Variants in DLG2 observed in about 807,000 individuals in gnomAD.
The protein encoded by DLG2 is discs large MAGUK scaffold protein 2.
In DLG2, 45 loss-of-function variants were observed where a neutral mutation model predicts 132.5. The observed-to-expected ratio is 0.34, with a 90% CI of 0.27 to 0.44. The LOEUF (loss-of-function observed/expected upper bound fraction) is 0.44. DLG2 is among the 20% of genes least tolerant of loss of function. The pLI, the probability that DLG2 is intolerant of heterozygous loss-of-function variation, is 1.00. For missense variants in DLG2, 1,045 were observed against 1,196.9 expected, an observed-to-expected ratio of 0.87 and a Z score of 1.87; for synonymous variants, 424 against 419.6, an observed-to-expected ratio of 1.01 and a Z score of -0.13.
chr11:84,750,156 T>C (rs1403299255), intron 6 of DLG2, among the ~76,000 whole-genome samples: 1 of 152,156 alleles, frequency 6.6e-6, no homozygotes, highest in Non-Finnish European at 1.5e-5. Context: ...TGTACTTTTT[T>C]TTTCCTTCAA....
At chr11:85,045,090 T>G (rs1196306858) in intron 6 of DLG2, among the ~76,000 whole-genome samples, 1 of 152,028 alleles carries the variant, frequency 6.6e-6, no homozygotes, top group East Asian at 1.9e-4. Flanking sequence ...CCTGCACCCT[T>G]CTTCCTCTTG....
At chr11:85,243,079 G>T (rs117326084) in intron 4 of DLG2, among the ~76,000 whole-genome samples, 2 of 151,908 alleles carry the variant, frequency 1.3e-5, no homozygotes, top group African/African-American at 2.4e-5. Flanking sequence ...TAATTTTACC[G>T]CTCATAGCCT....
intron 6 of DLG2, among the ~76,000 whole-genome samples, chr11:85,042,610 T>C (rs1377683216): frequency 6.6e-6 from 1 of 151,998 alleles, no homozygotes; most frequent in Non-Finnish European, 1.5e-5. Flanking sequence ...CTAAGAAGAA[T>C]GCTTGACACA....
At chr11:83,747,172 A>G (rs974737186) in intron 18 of DLG2, among the ~76,000 whole-genome samples, 5 of 152,190 alleles carry the variant, frequency 3.3e-5, no homozygotes, top group Non-Finnish European at 7.4e-5. Flanking sequence ...ACCTGCAGCC[A>G]GTATCATACT....
intron 6 of DLG2, among the ~76,000 whole-genome samples, chr11:84,714,330 C>T (rs1194976451): frequency 6.6e-6 from 1 of 152,170 alleles, no homozygotes; most frequent in East Asian, 1.9e-4. Flanking sequence ...AAGTTGGCCA[C>T]ATTTAAATAA....
intron 8 of DLG2, among the ~76,000 whole-genome samples, chr11:84,248,725 G>C (rs1015919504): frequency 3.9e-5 from 6 of 152,096 alleles, no homozygotes; most frequent in African/African-American, 1.4e-4. Context: ...AAATTAGCCA[G>C]GCATGGTGGT....
chr11:83,874,387 C>T (rs1352987333), intron 16 of DLG2, 33 bp downstream of exon 16: 43 of 1,483,014 alleles, frequency 2.9e-5, no homozygotes, highest in Non-Finnish European at 3.6e-5. Context: ...TCCAAGGCTG[C>T]ACAGTTTAAG....
rs554321824 is a variant in DLG2 at position 85,234,330 on chromosome 11, C to T, written c.186+50890G>A. On this transcript the variant is annotated intron_variant, in intron 4 of 27. Transcript: ENST00000376104. Reference sequence around the variant, plus strand: ...TCCAAATAACCACAAAACATAAAGGCACTCTGTATTGCCTACTCCTAGCAT... The same window carrying T: ...TCCAAATAACCACAAAACATAAAGGTACTCTGTATTGCCTACTCCTAGCAT... Among the ~76,000 whole-genome samples the T allele has an allele frequency of 4.6e-5, 7 of 151,988 alleles. No homozygotes were observed. In the South Asian group the frequency reaches 1.2e-3, roughly 27 times the overall value.
At chr11:83,490,567 T>C (rs2093783693) in intron 21 of DLG2, among the ~76,000 whole-genome samples, 1 of 151,950 alleles carries the variant, frequency 6.6e-6, no homozygotes, top group African/African-American at 2.4e-5. Context: ...ATTTATCTCT[T>C]CCCAGATTAT....
At chr11:85,228,251 GC>G (rs1217727914) in intron 4 of DLG2, among the ~76,000 whole-genome samples, 5 of 152,002 alleles carry the variant, frequency 3.3e-5, no homozygotes, top group Admixed American at 2.6e-4. Flanking sequence ...GTATGATGAG[GC>G]CCCCAGGAAG....
intron 6 of DLG2, among the ~76,000 whole-genome samples, chr11:84,733,656 T>C (rs1211374952): frequency 6.6e-6 from 1 of 152,228 alleles, no homozygotes. Flanking sequence ...ATCCCATTTG[T>C]CAATTTTGGC....
At chr11:83,690,731 C>T (rs2080845158) in intron 18 of DLG2, among the ~76,000 whole-genome samples, 1 of 152,028 alleles carries the variant, frequency 6.6e-6, no homozygotes, top group Non-Finnish European at 1.5e-5. Context: ...AAATCTGTCC[C>T]ACTGTCCATT....
intron 11 of DLG2, among the ~76,000 whole-genome samples, chr11:84,042,992 T>C (rs1333746163): frequency 6.6e-6 from 1 of 151,842 alleles, no homozygotes; most frequent in Non-Finnish European, 1.5e-5. Context: ...ATACTTTCTG[T>C]CATTATATTT....
At chr11:84,053,526 G>A (rs1173419088) in intron 11 of DLG2, among the ~76,000 whole-genome samples, 3 of 151,796 alleles carry the variant, frequency 2.0e-5, no homozygotes, top group African/African-American at 7.3e-5. Context: ...GTATTAATGA[G>A]TTCTTTGCTA....
intron 6 of DLG2, among the ~76,000 whole-genome samples, chr11:84,799,294 T>C (rs1465909683): frequency 9.9e-5 from 15 of 152,144 alleles, no homozygotes; most frequent in Admixed American, 9.8e-4. Flanking sequence ...GCTTTCTCTG[T>C]GGGACTGGGC....
At chr11:85,028,350 G>A (rs567961630) in intron 6 of DLG2, among the ~76,000 whole-genome samples, 1 of 152,250 alleles carries the variant, frequency 6.6e-6, no homozygotes, top group East Asian at 1.9e-4. Context: ...TGTAAGCCAC[G>A]GACTCTATGC....
At chr11:84,202,764 TACAC>T (rs376554531) in intron 8 of DLG2, among the ~76,000 whole-genome samples, 1 of 149,660 alleles carries the variant, frequency 6.7e-6, no homozygotes, top group African/African-American at 2.4e-5. Flanking sequence ...ACTCAAACAT[TACAC>T]ACACACACAC....
chr11:83,799,045 A>G (rs1329914597), intron 17 of DLG2, among the ~76,000 whole-genome samples: 2 of 152,236 alleles, frequency 1.3e-5, no homozygotes, highest in East Asian at 1.9e-4. Flanking sequence ...CACAGTTAGT[A>G]AACTGCTTCC....
chr11:85,248,887 T>C (rs748184065), intron 4 of DLG2, among the ~76,000 whole-genome samples: 2 of 152,068 alleles, frequency 1.3e-5, no homozygotes, highest in Non-Finnish European at 2.9e-5. Flanking sequence ...GACTTGGGAA[T>C]CTTTTGACTA....
Sources: gnomAD v4.1 joint callset for allele counts (sites outside exome capture counted in the v4.1 genomes callset) on GRCh38, gnomAD v4.1.1 for gene constraint, MANE v1.5 for transcripts, NCBI Gene and HGNC (gene_info 2026-07-23, HGNC 2026-07-21) for gene names.